Variants in CLEC16A observed in about 807,000 individuals in gnomAD.
The protein encoded by CLEC16A is C-type lectin domain containing 16A, also known as protein CLEC16A.
In CLEC16A, 51 loss-of-function variants were observed where a neutral mutation model predicts 109.5. The observed-to-expected ratio is 0.47, with a 90% confidence interval of 0.37 to 0.59. The LOEUF (loss-of-function observed/expected upper bound fraction) is 0.59. CLEC16A is among the 20% of genes least tolerant of loss of function. The pLI, the probability that CLEC16A is intolerant of heterozygous loss-of-function variation, is 0.00. For synonymous variants in CLEC16A, 673 were observed against 564.2 expected, an observed-to-expected ratio of 1.19 and a Z score of -2.73; for missense variants, 1,339 against 1,394.0, an observed-to-expected ratio of 0.96 and a Z score of 0.63.
chr16:11,168,287 C>T (rs1053384828), intron 23 of CLEC16A, among the ~76,000 whole-genome samples: 2 of 152,200 alleles, frequency 1.3e-5, no homozygotes, highest in Non-Finnish European at 2.9e-5. Flanking sequence ...CCCACCATCC[C>T]CTGCATGGTA....
rs2046878989 is a variant in CLEC16A, at chr16:11,033,844, G to A, written c.1538-5910G>A. 2.0e-5 allele frequency among the ~76,000 whole-genome samples: 3 copies of A among 152,302 alleles called. No individual in the cohort carries two copies. In the South Asian group the frequency reaches 6.2e-4, roughly 32 times the overall value. On this transcript the variant is annotated intron_variant, in intron 13 of 23. Coordinates refer to ENST00000409790, the MANE Select transcript of CLEC16A (RefSeq NM_015226.3). ...GAAGGCGCTTGTTGTGATTCAGTTGGGCCACATAATGAATTCTGGTTTGTT... is the reference window on the plus strand; with the variant it reads ...GAAGGCGCTTGTTGTGATTCAGTTGAGCCACATAATGAATTCTGGTTTGTT...
chr16:11,018,449 T>C (rs1167642397), intron 11 of CLEC16A, among the ~76,000 whole-genome samples: 1 of 150,882 alleles, frequency 6.6e-6, no homozygotes, highest in Non-Finnish European at 1.5e-5. Flanking sequence ...GTAAAGATCC[T>C]TGGATAGAAA....
chr16:11,090,508 G>A (rs529070177), intron 19 of CLEC16A, among the ~76,000 whole-genome samples: 1 of 152,188 alleles, frequency 6.6e-6, no homozygotes. Flanking sequence ...GAGCCTGTGT[G>A]TGAAGCCTTC....
At chr16:10,951,836 T>G (rs1249793224) in intron 1 of CLEC16A, among the ~76,000 whole-genome samples, 1 of 152,270 alleles carries the variant, frequency 6.6e-6, no homozygotes, top group Non-Finnish European at 1.5e-5. Flanking sequence ...CATACAAAGA[T>G]GGTCATAGCA....
At position 11,067,418 on chromosome 16, in the gene CLEC16A, G is replaced by C. The variant is rs1036502553; in HGVS notation, c.2116+6396G>C. Among the ~76,000 whole-genome samples the C allele has an allele frequency of 4.1e-4, 63 of 152,150 alleles. 1 individual carries two copies. Among genetic ancestry groups the C allele is most frequent in the African/African-American group, 1.1e-3 (44 of 41,532 alleles). ...GAGGGGCCCATTTGAGGGCTGCAGG[G>C]GGGGTGTGGGTGCCGAGAAGTGGCG... On this transcript the variant is annotated intron_variant, in intron 19 of 23. Coordinates refer to ENST00000409790, the MANE Select transcript of CLEC16A (RefSeq NM_015226.3).
chr16:11,064,872 C>T (rs1402325613), intron 19 of CLEC16A, among the ~76,000 whole-genome samples: 1 of 152,212 alleles, frequency 6.6e-6, no homozygotes, highest in African/African-American at 2.4e-5. Flanking sequence ...ATGCTTGGCA[C>T]TTAGTAGGTG....
chr16:11,126,285 T>C (rs754271030), intron 22 of CLEC16A, 139 bp downstream of exon 22: 1 of 1,548,922 alleles, frequency 6.5e-7, no homozygotes, highest in Non-Finnish European at 8.7e-7. Context: ...TCTTAGAATT[T>C]GTCAAAGCAC....
At chr16:10,978,669 G>A (rs953966394) in intron 8 of CLEC16A, among the ~76,000 whole-genome samples, 1 of 152,186 alleles carries the variant, frequency 6.6e-6, no homozygotes, top group African/African-American at 2.4e-5. Flanking sequence ...CAGAGTGTGT[G>A]TGTGAGAAGA....
At chr16:11,060,463 G>C (rs1451449098) in intron 18 of CLEC16A, among the ~76,000 whole-genome samples, 1 of 152,196 alleles carries the variant, frequency 6.6e-6, no homozygotes, top group Non-Finnish European at 1.5e-5. Context: ...GGGTTTTCCA[G>C]AGCCCATGCT....
chr16:11,132,857 GGGAGGCTGGGGGAC>G (rs2053311677), intron 22 of CLEC16A, among the ~76,000 whole-genome samples: 1 of 152,182 alleles, frequency 6.6e-6, no homozygotes, highest in Admixed American at 6.5e-5. Context: ...ATTGGTGGAT[GGGAGGCTGGGGGAC>G]AGAGGATGGG....
At chr16:11,087,881 T>C (rs1454744901) in intron 19 of CLEC16A, among the ~76,000 whole-genome samples, 1 of 152,154 alleles carries the variant, frequency 6.6e-6, no homozygotes, top group Admixed American at 6.5e-5. Context: ...GCCTACCCAG[T>C]TTGAGGCAGG....
intron 11 of CLEC16A, among the ~76,000 whole-genome samples, chr16:11,019,946 A>G (rs367864698): frequency 5.3e-5 from 8 of 152,282 alleles, no homozygotes; most frequent in African/African-American, 1.9e-4. Context: ...AATGATTGCA[A>G]TTTGTGTTTT....
chr16:10,971,033 TCTGAAG>T, intron 4 of CLEC16A, 86 bp from the exon 5 acceptor site: 6 of 666,306 alleles, frequency 9.0e-6, no homozygotes, highest in Non-Finnish European at 7.5e-6. Context: ...TTTGTCTTTT[TCTGAAG>T]TCTCTGATGG....
chr16:11,062,955 G>A (rs71381191), intron 19 of CLEC16A, among the ~76,000 whole-genome samples: 7,817 of 152,104 alleles, frequency 0.051, 270 homozygotes, highest in Non-Finnish European at 0.071. Context: ...GTTTGCATCC[G>A]TGAAATGGAA....
At chr16:10,982,824 G>A (rs2043400088) in intron 9 of CLEC16A, 54 bp from the exon 10 acceptor site, 2 of 1,041,418 alleles carry the variant, frequency 1.9e-6, no homozygotes, top group Non-Finnish European at 1.5e-6. Flanking sequence ...GGAAGCAAGA[G>A]GTTGAAAATA....
chr16:11,133,354 T>A (rs527300464), intron 22 of CLEC16A, among the ~76,000 whole-genome samples: 21 of 143,620 alleles, frequency 1.5e-4, no homozygotes, highest in South Asian at 4.4e-4. Flanking sequence ...AAAAAAAAAA[T>A]TTTTTTTTTG....
Position 11,118,776 on chromosome 16 carries a change from C to T in CLEC16A, c.2117-1839C>T, listed in dbSNP as rs1436799600. 2.6e-5 allele frequency among the ~76,000 whole-genome samples: 4 copies of T among 152,164 alleles called. No homozygotes were observed. In the South Asian group the frequency reaches 8.3e-4, roughly 32 times the overall value. ...AGGATTTTTATAGTTCTGGGTCTTACATTTAAGTCTTTAATCTATCTTGAG... is the reference window on the plus strand; with the variant it reads ...AGGATTTTTATAGTTCTGGGTCTTATATTTAAGTCTTTAATCTATCTTGAG... On this transcript the variant is annotated intron_variant, in intron 19 of 23. Transcript: ENST00000409790.
chr16:11,143,247 A>G (rs1028394106), intron 22 of CLEC16A, among the ~76,000 whole-genome samples: 1 of 152,210 alleles, frequency 6.6e-6, no homozygotes, highest in Non-Finnish European at 1.5e-5. Context: ...TGCATTTATA[A>G]TACAGAGCCT....
intron 13 of CLEC16A, among the ~76,000 whole-genome samples, chr16:11,031,157 GCACT>G (rs536825032): frequency 1.1e-4 from 16 of 152,194 alleles, no homozygotes; most frequent in Non-Finnish European, 1.6e-4. Context: ...CTACCGCCTG[GCACT>G]CAGTCAGTGC....
Sources: gnomAD v4.1 joint callset for allele counts (sites outside exome capture counted in the v4.1 genomes callset) on GRCh38, gnomAD v4.1.1 for gene constraint, MANE v1.5 for transcripts, NCBI Gene and HGNC (gene_info 2026-07-23, HGNC 2026-07-21) for gene names.